Variants in ANKIB1 observed in about 807,000 individuals in gnomAD.
ANKIB1 encodes the protein ankyrin repeat and IBR domain containing 1.
Under a neutral mutation model 122.1 loss-of-function variants are expected in ANKIB1, and 43 were observed. That is an observed-to-expected ratio of 0.35 (90% CI 0.28 to 0.45). The LOEUF is 0.45. Ranked by LOEUF, ANKIB1 falls within the 20% of genes least tolerant of loss-of-function variation. The probability of loss-of-function intolerance (pLI) is 1.00; values close to 1 mark genes in which losing one functional copy is unlikely to be tolerated. For missense variants in ANKIB1, 992 were observed against 1,329.5 expected (o/e 0.75, Z 3.95); for synonymous variants, 390 against 442.0 (o/e 0.88, Z 1.48).
intron 6 of ANKIB1, 139 bp from the exon 7 acceptor site, chr7:92,344,839 T>C (rs1330630446): frequency 3.3e-6 from 2 of 597,070 alleles, no homozygotes; most frequent in Admixed American, 5.9e-5. Flanking sequence ...TAACTGTCCT[T>C]AAAACTTTGA....
intron 16 of ANKIB1, 143 bp from the exon 17 acceptor site, chr7:92,392,098 A>G (rs540559814): frequency 1.1e-5 from 6 of 526,036 alleles, no homozygotes; most frequent in African/African-American, 7.8e-5. Flanking sequence ...TTATCATTTT[A>G]ATTCTGTTTT....
At chr7:92,352,776 G>A in intron 9 of ANKIB1, 134 bp downstream of exon 9, 3 of 939,438 alleles carry the variant, frequency 3.2e-6, no homozygotes, top group South Asian at 3.8e-5. Flanking sequence ...AAATGTGTAA[G>A]AAGTAGTAAT....
intron 3 of ANKIB1, among the ~76,000 whole-genome samples, chr7:92,319,117 GTCAT>G (rs777663676): frequency 1.3e-5 from 2 of 151,536 alleles, no homozygotes; most frequent in Non-Finnish European, 2.9e-5. Context: ...ACAAGACGAA[GTCAT>G]TCATTACTGA....
At chr7:92,299,549 C>T (rs893124881) in intron 2 of ANKIB1, among the ~76,000 whole-genome samples, 4 of 152,106 alleles carry the variant, frequency 2.6e-5, no homozygotes, top group African/African-American at 7.2e-5. Flanking sequence ...ACTTTCCTAA[C>T]TATATAAAGG....
rs113774200 is a variant in ANKIB1, at chr7:92,280,093, T to C, written c.-90-14796T>C. 3.3e-5 allele frequency among the ~76,000 whole-genome samples: 5 copies of C among 152,368 alleles called. 1 individual carries two copies. The highest frequency in any genetic ancestry group is 1.2e-4 in the African/African-American group (5 of 41,588). ...TATTCTGTTTCTGATATTCAGAGTGTTCTGCTCACCAGTAGCAGAAAGCAA... is the reference window on the plus strand; with the variant it reads ...TATTCTGTTTCTGATATTCAGAGTGCTCTGCTCACCAGTAGCAGAAAGCAA... On this transcript the variant is annotated intron_variant, in intron 1 of 19. Coordinates refer to ENST00000265742, the MANE Select transcript of ANKIB1 (RefSeq NM_019004.2).
intron 1 of ANKIB1, among the ~76,000 whole-genome samples, chr7:92,252,544 T>C (rs1369319821): frequency 3.3e-5 from 5 of 151,798 alleles, no homozygotes; most frequent in African/African-American, 1.2e-4. Context: ...CCACCACCAC[T>C]CCCAGCTCAT....
intron 6 of ANKIB1, among the ~76,000 whole-genome samples, chr7:92,344,548 G>GAT (rs1803501127): frequency 6.6e-6 from 1 of 152,008 alleles, no homozygotes; most frequent in Non-Finnish European, 1.5e-5. Flanking sequence ...GGAAAGTGTG[G>GAT]ATATCTTGAG....
chr7:92,273,335 A>G (rs1468528093), intron 1 of ANKIB1, among the ~76,000 whole-genome samples: 1 of 142,310 alleles, frequency 7.0e-6, no homozygotes, highest in Non-Finnish European at 1.5e-5. Context: ...ATTCAATGAC[A>G]TCATAAAGAA....
At position 92,371,582 on chromosome 7, in the gene ANKIB1, G is replaced by A. The variant is rs759843362; in HGVS notation, c.1592G>A (p.Gly531Asp). 1 of 1,604,698 alleles carries A rather than the reference G, an allele frequency of 6.2e-7. No individual in the cohort carries two copies. The highest frequency in any genetic ancestry group is 8.5e-7 in the Non-Finnish European group (1 of 1,175,242). The change falls in exon 11 of 20, where the codon GGC (glycine) becomes GAC (aspartate). Residue 531 changes from glycine to aspartate, a missense_variant. Coordinates refer to ENST00000265742, the MANE Select transcript of ANKIB1 (RefSeq NM_019004.2). ...AAGTCTCCAATACAGAAGAATGAAG[G>A]CTGCAATCACATGCAGTGTGCTAAG... ...NCKSPIQKNE[G>D]CNHMQCAKCK...
At chr7:92,393,148 CAATG>C (rs1804821689) in intron 17 of ANKIB1, among the ~76,000 whole-genome samples, 1 of 151,990 alleles carries the variant, frequency 6.6e-6, no homozygotes, top group Non-Finnish European at 1.5e-5. Context: ...AACTGAAAGA[CAATG>C]AAATTGATTA....
intron 5 of ANKIB1, among the ~76,000 whole-genome samples, chr7:92,336,930 T>C (rs1440360296): frequency 6.6e-6 from 1 of 152,210 alleles, no homozygotes; most frequent in Non-Finnish European, 1.5e-5. Flanking sequence ...TGATAGTAGC[T>C]ACTTTACCTT....
chr7:92,331,134 T>C (rs1803163652), intron 5 of ANKIB1, among the ~76,000 whole-genome samples: 1 of 152,166 alleles, frequency 6.6e-6, no homozygotes, highest in Admixed American at 6.5e-5. Context: ...TGAACAAAAA[T>C]GTAGGATTAA....
chr7:92,271,119 T>C (rs1016129777), intron 1 of ANKIB1, among the ~76,000 whole-genome samples: 4 of 152,200 alleles, frequency 2.6e-5, no homozygotes, highest in African/African-American at 7.2e-5. Context: ...GATCCATTTT[T>C]AGTTAATTTT....
intron 1 of ANKIB1, among the ~76,000 whole-genome samples, chr7:92,281,336 T>G (rs1802008630): frequency 6.6e-6 from 1 of 152,200 alleles, no homozygotes; most frequent in Admixed American, 6.5e-5. Context: ...GCATTATTTA[T>G]ACAAACAATT....
In ANKIB1 at chr7:92,399,252, CTATT is replaced by C. The variant is rs901910985; in HGVS notation, c.*306_*309del. Reference sequence around the variant, plus strand: ...CCACACTCTAAGAAAATGCAGTCCTCTATTTAGCCTAGGCTTGACAATACTTAAA... The same window carrying C: ...CCACACTCTAAGAAAATGCAGTCCTCTAGCCTAGGCTTGACAATACTTAAA... On this transcript the variant is annotated 3_prime_UTR_variant, in exon 20 of 20. Transcript: ENST00000265742. 4 of 193,814 alleles carry C rather than the reference CTATT, an allele frequency of 2.1e-5. No individual in the cohort carries two copies. Among genetic ancestry groups the C allele is most frequent in the Non-Finnish European group, 4.2e-5 (4 of 96,342 alleles). 12.0% of individuals were successfully genotyped at this position (193,814 alleles called of 1,614,324 possible).
intron 2 of ANKIB1, 42 bp from the exon 3 acceptor site, chr7:92,307,317 A>T (rs769102558): frequency 6.5e-7 from 1 of 1,535,368 alleles, no homozygotes; most frequent in Admixed American, 2.0e-5. Flanking sequence ...GTAGAAAATA[A>T]GTGATTTTCA....
At chr7:92,369,580 T>C (rs1234159192) in intron 10 of ANKIB1, among the ~76,000 whole-genome samples, 2 of 151,890 alleles carry the variant, frequency 1.3e-5, no homozygotes, top group African/African-American at 2.4e-5. Flanking sequence ...TATCTAGGGG[T>C]TGGGTAACTT....
intron 14 of ANKIB1, among the ~76,000 whole-genome samples, chr7:92,389,427 T>C (rs1312159587): frequency 6.6e-6 from 1 of 152,148 alleles, no homozygotes; most frequent in East Asian, 1.9e-4. Flanking sequence ...CAATTTAGTC[T>C]TCCATCTTCC....
At chr7:92,265,746 T>C (rs1395859719) in intron 1 of ANKIB1, among the ~76,000 whole-genome samples, 1 of 152,212 alleles carries the variant, frequency 6.6e-6, no homozygotes, top group Non-Finnish European at 1.5e-5. Flanking sequence ...GGATGAATTT[T>C]CTGTTATTGG....
Sources: allele counts gnomAD v4.1 joint callset (sites outside exome capture counted in the v4.1 genomes callset), GRCh38; gene constraint gnomAD v4.1.1; transcripts MANE v1.5; gene names NCBI Gene and HGNC (gene_info 2026-07-23, HGNC 2026-07-21).